MAP1LC3B2: variants seen among roughly 807,000 people sequenced by gnomAD.
The protein encoded by MAP1LC3B2 is microtubule-associated protein 1 light chain 3 beta 2.
For synonymous variants in MAP1LC3B2, 62 were observed against 57.8 expected (o/e 1.07, Z -0.33); for missense variants, 155 against 154.6 (o/e 1.00, Z -0.01).
chr12:116,574,568 T>A (rs917143446), intron 1 of MAP1LC3B2, among the ~76,000 whole-genome samples: 6 of 151,640 alleles, frequency 4.0e-5, no homozygotes, highest in Non-Finnish European at 8.8e-5. Flanking sequence ...ATTGCTTGAG[T>A]CCAGGAGGTC....
chr12:116,560,287 C>A (rs928672131), intron 1 of MAP1LC3B2, among the ~76,000 whole-genome samples: 1 of 147,246 alleles, frequency 6.8e-6, no homozygotes, highest in East Asian at 2.0e-4. Context: ...CTTCCTCTGT[C>A]GCCCAGGCTG....
intron 1 of MAP1LC3B2, among the ~76,000 whole-genome samples, chr12:116,567,512 C>A (rs560963417): frequency 1.7e-4 from 24 of 144,866 alleles, no homozygotes; most frequent in Non-Finnish European, 2.7e-4. Flanking sequence ...CTTTGGGAGG[C>A]CGACGTGGGT....
At position 116,566,795 on chromosome 12, in the gene MAP1LC3B2, G is replaced by C. The variant is rs191820416; in HGVS notation, c.-102+7362G>C. The stretch of plus-strand genomic sequence containing the variant: ...AAAATACAAAAATGTGCTGGGCGTG[G>C]TGGTGGGCACCTGTAGTCCCAGCTA... On this transcript the variant is annotated intron_variant, in intron 1 of 1. Transcript: ENST00000556529. Among the ~76,000 whole-genome samples the C allele has an allele frequency of 9.2e-4, 139 of 150,462 alleles. 2 individuals are homozygous for C. Among genetic ancestry groups the C allele is most frequent in the Non-Finnish European group, 1.4e-3 (94 of 67,552 alleles).
intron 1 of MAP1LC3B2, among the ~76,000 whole-genome samples, chr12:116,571,119 A>G (rs1284911697): frequency 6.6e-6 from 1 of 152,238 alleles, no homozygotes; most frequent in South Asian, 2.1e-4. Context: ...GTCTGATTTT[A>G]TCTAAGGACA....
At chr12:116,566,009 C>T (rs769912225) in intron 1 of MAP1LC3B2, among the ~76,000 whole-genome samples, 1 of 152,136 alleles carries the variant, frequency 6.6e-6, no homozygotes, top group Non-Finnish European at 1.5e-5. Flanking sequence ...TCTGCCTTCC[C>T]CTCCAACACA....
intron 1 of MAP1LC3B2, among the ~76,000 whole-genome samples, chr12:116,561,002 C>T (rs768099465): frequency 7.9e-5 from 12 of 151,792 alleles, no homozygotes; most frequent in Non-Finnish European, 1.2e-4. Context: ...CTGTAGTCCC[C>T]GCTACTTGGG....
In MAP1LC3B2 at chr12:116,575,908, C is replaced by T. The variant is rs770614937; in HGVS notation, c.-35C>T. 10 of 1,613,292 alleles carry T rather than the reference C, an allele frequency of 6.2e-6. 1 individual carries two copies. The South Asian group carries it at 8.8e-5, about 14-fold the overall frequency. ...CACCCCCAGGAGCCGCCGGGACCCT[C>T]GCGTCGTCGCCGCCGCGGCCCAGAT... On this transcript the variant is annotated 5_prime_UTR_variant, in exon 2 of 2. Transcript: ENST00000556529.
At chr12:116,574,633 G>A (rs765159878) in intron 1 of MAP1LC3B2, among the ~76,000 whole-genome samples, 7 of 147,352 alleles carry the variant, frequency 4.8e-5, no homozygotes, top group South Asian at 2.2e-4. Flanking sequence ...GGGACAGAGC[G>A]AGACCCTGTC....
chr12:116,566,930 C>CAAAAAAAAAAAAAAAAAAAAAAAAAAAA (rs56405000), intron 1 of MAP1LC3B2, among the ~76,000 whole-genome samples: 1 of 26,762 alleles, frequency 3.7e-5, no homozygotes, highest in African/African-American at 1.1e-4. Flanking sequence ...GACTCTGTCT[C>CAAAAAAAAAAAAAAAAAAAAAAAAAAAA]AAAAAAAAAA....
chr12:116,560,224 A>ATATGTATGTATATG (rs1869229569), intron 1 of MAP1LC3B2: 1 of 108,568 alleles, frequency 9.2e-6, no homozygotes, highest in African/African-American at 3.8e-5. Context: ...ATATATATAT[A>ATATGTATGTATATG]TATATATATA....
chr12:116,572,606 C>T (rs1265931809), intron 1 of MAP1LC3B2, among the ~76,000 whole-genome samples: 1 of 152,166 alleles, frequency 6.6e-6, no homozygotes, highest in African/African-American at 2.4e-5. Flanking sequence ...CCTTTTGATC[C>T]GCCCGCCTCA....
At chr12:116,562,762 T>C (rs999798705) in intron 1 of MAP1LC3B2, among the ~76,000 whole-genome samples, 14 of 152,244 alleles carry the variant, frequency 9.2e-5, no homozygotes, top group African/African-American at 3.4e-4. Context: ...AAATACTATA[T>C]AGCTCCTCGT....
chr12:116,570,217 C>T (rs1479649878), intron 1 of MAP1LC3B2, among the ~76,000 whole-genome samples: 2 of 152,172 alleles, frequency 1.3e-5, no homozygotes, highest in Non-Finnish European at 2.9e-5. Context: ...AATGGCTCAA[C>T]TTATAATTTT....
At chr12:116,565,449 C>T (rs567773877) in intron 1 of MAP1LC3B2, among the ~76,000 whole-genome samples, 1 of 152,340 alleles carries the variant, frequency 6.6e-6, no homozygotes, top group Non-Finnish European at 1.5e-5. Flanking sequence ...TATTCACTAC[C>T]ACGAGAACAG....
At chr12:116,566,836 C>G (rs1334849215) in intron 1 of MAP1LC3B2, among the ~76,000 whole-genome samples, 1 of 140,142 alleles carries the variant, frequency 7.1e-6, no homozygotes, top group Non-Finnish European at 1.5e-5. Flanking sequence ...GAGGCGGAGG[C>G]AGGAAAATTG....
intron 1 of MAP1LC3B2, among the ~76,000 whole-genome samples, chr12:116,570,944 C>G (rs1165150366): frequency 6.6e-6 from 1 of 152,136 alleles, no homozygotes; most frequent in African/African-American, 2.4e-5. Flanking sequence ...AAGAAATGTT[C>G]TTCTATCGGT....
chr12:116,573,483 T>G (rs1869593013), intron 1 of MAP1LC3B2, among the ~76,000 whole-genome samples: 1 of 152,192 alleles, frequency 6.6e-6, no homozygotes, highest in South Asian at 2.1e-4. Context: ...ATATAATTCA[T>G]AAAGGATTAA....
Position 116,563,298 on chromosome 12 carries a change from G to A in MAP1LC3B2, c.-102+3865G>A, listed in dbSNP as rs191651499. Among the ~76,000 whole-genome samples, 295 of 150,050 alleles carry A rather than the reference G, an allele frequency of 2.0e-3. 2 individuals carry two copies. The highest frequency in any genetic ancestry group is 0.014 in the Middle Eastern group (4 of 292). The stretch of plus-strand genomic sequence containing the variant: ...ATATTTCATATGGTGTAGGTCTACC[G>A]GTAATAAATTCTACCACTTTTTGTC... On this transcript the variant is annotated intron_variant, in intron 1 of 1. Transcript: ENST00000556529.
chr12:116,568,117 C>T (rs1869440073), intron 1 of MAP1LC3B2, among the ~76,000 whole-genome samples: 1 of 152,210 alleles, frequency 6.6e-6, no homozygotes, highest in South Asian at 2.1e-4. Flanking sequence ...GATAGCTTTG[C>T]AGCTCTTTTT....
Sources: gnomAD v4.1 joint callset for allele counts (sites outside exome capture counted in the v4.1 genomes callset) on GRCh38, gnomAD v4.1.1 for gene constraint, MANE v1.5 for transcripts, NCBI Gene and HGNC (gene_info 2026-07-23, HGNC 2026-07-21) for gene names.